The following PSMG2 variants were observed in gnomAD, a reference collection of about 807,000 sequenced individuals.
PSMG2 encodes proteasome assembly chaperone 2.
Under a neutral mutation model 31.5 loss-of-function variants are expected in PSMG2, and 21 were observed. The observed-to-expected ratio is 0.67, with a 90% CI of 0.47 to 0.96. The LOEUF is 0.96. Among genes scored for constraint, PSMG2 ranks in the 40% least tolerant of loss-of-function variants. The pLI, the probability that PSMG2 is intolerant of heterozygous loss-of-function variation, is 0.00. For synonymous variants in PSMG2, 120 were observed against 110.4 expected, an observed-to-expected ratio of 1.09 and a Z score of -0.54; for missense variants, 318 against 321.2, an observed-to-expected ratio of 0.99 and a Z score of 0.08.
At chr18:12,685,915 G>C (rs886120778) in intron 1 of PSMG2, 1 of 162,408 alleles carries the variant, frequency 6.2e-6, no homozygotes, top group African/African-American at 2.4e-5. Context: ...ACAGGCATGA[G>C]CCACTGCGGC....
intron 1 of PSMG2, among the ~76,000 whole-genome samples, chr18:12,697,659 CATAAG>C (rs1470754985): frequency 3.3e-5 from 5 of 152,164 alleles, no homozygotes; most frequent in African/African-American, 9.7e-5. Flanking sequence ...CTTTCTGATT[CATAAG>C]ATAAGTCTGT....
At chr18:12,708,045 G>T (rs1287611855) in intron 2 of PSMG2, among the ~76,000 whole-genome samples, 2 of 152,106 alleles carry the variant, frequency 1.3e-5, no homozygotes, top group Non-Finnish European at 2.9e-5. Flanking sequence ...ACTTTGAGAG[G>T]CTGAGGTAGG....
intron 1 of PSMG2, among the ~76,000 whole-genome samples, chr18:12,693,964 T>G (rs1029576446): frequency 3.3e-5 from 5 of 152,138 alleles, no homozygotes; most frequent in African/African-American, 1.2e-4. Context: ...CCCAAGCAGC[T>G]GGGACTACAA....
intron 1 of PSMG2, among the ~76,000 whole-genome samples, chr18:12,705,576 A>AGAGTGTGTGT (rs1465866538): frequency 7.7e-5 from 10 of 129,778 alleles, no homozygotes; most frequent in South Asian, 5.5e-4. Context: ...AGAGAGAGAG[A>AGAGTGTGTGT]GTGTGTGTGT....
At chr18:12,711,350 G>C (rs945594797) in intron 2 of PSMG2, among the ~76,000 whole-genome samples, 2 of 152,148 alleles carry the variant, frequency 1.3e-5, no homozygotes, top group Non-Finnish European at 2.9e-5. Flanking sequence ...ATTTTAAAAA[G>C]CTTAGCCTGT....
chr18:12,711,138 G>T (rs902443440), intron 2 of PSMG2, among the ~76,000 whole-genome samples: 2 of 152,046 alleles, frequency 1.3e-5, no homozygotes, highest in Non-Finnish European at 2.9e-5. Context: ...CAGGCGTGGT[G>T]GTGTGCTCCT....
chr18:12,705,687 T>C (rs1476894780), intron 1 of PSMG2, among the ~76,000 whole-genome samples: 16 of 151,836 alleles, frequency 1.1e-4, no homozygotes, highest in Admixed American at 1.1e-3. Flanking sequence ...CCAAGAGTGC[T>C]TCTGTTCATA....
chr18:12,699,970 A>G, upstream of PSMG2: 2 of 1,105,152 alleles, frequency 1.8e-6, no homozygotes, highest in Non-Finnish European at 2.6e-6. Flanking sequence ...GGAAATGTCA[A>G]TAAACATGAC....
chr18:12,705,568 AGAGAGAGAGTGT>A (rs1401926004), intron 1 of PSMG2, among the ~76,000 whole-genome samples: 8 of 126,738 alleles, frequency 6.3e-5, no homozygotes, highest in Admixed American at 1.7e-4. Context: ...AGAGAGAGAG[AGAGAGAGAGTGT>A]GTGTGTGTGT....
chr18:12,690,130 T>C (rs976046839), intron 1 of PSMG2, among the ~76,000 whole-genome samples: 2 of 152,138 alleles, frequency 1.3e-5, no homozygotes, highest in Non-Finnish European at 2.9e-5. Context: ...CTTGCCTTTG[T>C]CCTGATAATG....
At chr18:12,717,515 A>G (rs1257462515) in intron 3 of PSMG2, among the ~76,000 whole-genome samples, 1 of 152,190 alleles carries the variant, frequency 6.6e-6, no homozygotes, top group Non-Finnish European at 1.5e-5. Context: ...TAGGCTAGCA[A>G]TGGTCACCCC....
chr18:12,709,724 T>C (rs997843562), intron 2 of PSMG2, among the ~76,000 whole-genome samples: 1 of 151,666 alleles, frequency 6.6e-6, no homozygotes, highest in Admixed American at 6.6e-5. Flanking sequence ...GGTGTTGAAC[T>C]CCTGACCTCA....
intron 4 of PSMG2, among the ~76,000 whole-genome samples, chr18:12,719,056 TATATGCTACCATTTTTTAAAA>T (rs1287018939): frequency 2.0e-5 from 3 of 152,204 alleles, no homozygotes; most frequent in Non-Finnish European, 4.4e-5. Context: ...GTTATTTCCA[TATATGCTACCATTTTTTAAAA>T]AACATTTACT....
intron 2 of PSMG2, among the ~76,000 whole-genome samples, chr18:12,710,897 C>T (rs2040323282): frequency 6.6e-6 from 1 of 151,972 alleles, no homozygotes; most frequent in African/African-American, 2.4e-5. Flanking sequence ...CTCAGGAGTT[C>T]GAGACCAGCC....
intron 2 of PSMG2, among the ~76,000 whole-genome samples, chr18:12,707,587 C>T (rs1041688655): frequency 9.2e-5 from 14 of 152,180 alleles, no homozygotes; most frequent in African/African-American, 3.4e-4. Flanking sequence ...CCTCATTGGA[C>T]TATCAGGCTT....
chr18:12,725,168 A>T (rs2040464719), intron 6 of PSMG2, among the ~76,000 whole-genome samples: 1 of 150,620 alleles, frequency 6.6e-6, no homozygotes, highest in Non-Finnish European at 1.5e-5. Context: ...CATAATGCTG[A>T]TTTTTTTTTT....
At chr18:12,699,135 G>A (rs1188309284), upstream of PSMG2, 1 of 1,613,952 alleles carries the variant, frequency 6.2e-7, no homozygotes, top group Non-Finnish European at 8.5e-7. Flanking sequence ...GGTTCTTGCA[G>A]ATGTTCCAAG....
intron 2 of PSMG2, among the ~76,000 whole-genome samples, chr18:12,710,432 A>G (rs1289847690): frequency 6.6e-6 from 1 of 152,154 alleles, no homozygotes; most frequent in African/African-American, 2.4e-5. Flanking sequence ...TTTTGGTGCA[A>G]AATGTTTTCG....
At chr18:12,666,631 G>A (rs2038809643) in intron 1 of PSMG2, among the ~76,000 whole-genome samples, 1 of 150,810 alleles carries the variant, frequency 6.6e-6, no homozygotes, top group Admixed American at 6.6e-5. Flanking sequence ...TGTATTTTTG[G>A]TAGAGACAGG....
Sources: allele counts gnomAD v4.1 joint callset (sites outside exome capture counted in the v4.1 genomes callset), GRCh38; gene constraint gnomAD v4.1.1; transcripts MANE v1.5; gene names NCBI Gene and HGNC (gene_info 2026-07-23, HGNC 2026-07-21).